Variants in MYOM1 observed in about 807,000 individuals in gnomAD.
MYOM1 encodes myomesin 1, also known as myomesin-1.
Under a neutral mutation model 205.3 loss-of-function variants are expected in MYOM1, and 164 were observed. The ratio of observed to expected loss-of-function variants is 0.80; its 90% confidence interval spans 0.70 to 0.91. The LOEUF (loss-of-function observed/expected upper bound fraction) is 0.91. MYOM1 is among the 40% of genes least tolerant of loss of function. The pLI is 0.00. For synonymous variants in MYOM1, 772 were observed against 789.4 expected, an observed-to-expected ratio of 0.98 and a Z score of 0.37; for missense variants, 2,011 against 2,127.3, an observed-to-expected ratio of 0.95 and a Z score of 1.08.
At chr18:3,181,213 A>T (rs1195043305) in intron 5 of MYOM1, among the ~76,000 whole-genome samples, 3 of 152,164 alleles carry the variant, frequency 2.0e-5, no homozygotes, top group Non-Finnish European at 4.4e-5. Context: ...GGCATGAACC[A>T]CCACGCCCGG....
intron 16 of MYOM1, among the ~76,000 whole-genome samples, chr18:3,133,179 A>G (rs1003220895): frequency 2.0e-5 from 3 of 152,118 alleles, no homozygotes; most frequent in African/African-American, 7.2e-5. Context: ...GAAAAATGAA[A>G]TACACCAACA....
At chr18:3,138,468 G>C (rs1293972825) in intron 14 of MYOM1, among the ~76,000 whole-genome samples, 1 of 152,182 alleles carries the variant, frequency 6.6e-6, no homozygotes, top group African/African-American at 2.4e-5. Context: ...CCACACGCAT[G>C]CTCTTGGCCT....
At chr18:3,148,574 G>A (rs1293145466) in intron 13 of MYOM1, among the ~76,000 whole-genome samples, 1 of 151,916 alleles carries the variant, frequency 6.6e-6, no homozygotes, top group Non-Finnish European at 1.5e-5. Context: ...GTGGCCGGGC[G>A]CGGTGGCTCA....
chr18:3,116,265 TAACTTTA>T, intron 21 of MYOM1, 59 bp downstream of exon 21: 2 of 1,503,870 alleles, frequency 1.3e-6, no homozygotes, highest in South Asian at 2.4e-5. Context: ...TTTATCTTGC[TAACTTTA>T]AAGTTCGTAT....
chr18:3,096,892 C>T (rs1011945109), intron 25 of MYOM1, among the ~76,000 whole-genome samples: 2 of 152,096 alleles, frequency 1.3e-5, no homozygotes, highest in African/African-American at 4.8e-5. Flanking sequence ...TCAATACTGG[C>T]AAGATAGACT....
chr18:3,150,993 T>A (rs969542751), intron 12 of MYOM1, among the ~76,000 whole-genome samples: 27 of 148,300 alleles, frequency 1.8e-4, no homozygotes, highest in African/African-American at 3.6e-4. Context: ...TTTTTTTTTT[T>A]TTTTTTTCAT....
chr18:3,164,452 TA>T lies in MYOM1; in HGVS notation c.1340-14del, dbSNP rs554705715. On this transcript the variant is annotated splice_polypyrimidine_tract_variant and intron_variant, in intron 9 of 37. Transcript: ENST00000356443. ...GAAAGAGGTACTCCTAGAAATATTT[TA>T]AAAGTAAGCAAATTAACTTATTTTT... The T allele has an allele frequency of 3.6e-3, 5,681 of 1,573,508 alleles. 19 individuals carry two copies. The highest frequency in any genetic ancestry group is 4.5e-3 in the Non-Finnish European group (5,223 of 1,163,650).
In MYOM1 at chr18:3,125,260, T is replaced by C. The variant is rs78602285; in HGVS notation, c.2991+1441A>G. ...GATCACCCAGAGAAACTGGTGCACA[T>C]ATGTAGCAGCAGATAGATGTATACA... On this transcript the variant is annotated intron_variant, in intron 19 of 37. Coordinates refer to ENST00000356443, the MANE Select transcript of MYOM1 (RefSeq NM_003803.4). Among the ~76,000 whole-genome samples, 260 of 152,298 alleles carry C rather than the reference T, an allele frequency of 1.7e-3. 3 individuals are homozygous for C. The East Asian group carries it at 0.045, about 26-fold the overall frequency.
At chr18:3,210,485 T>C (rs1256073082) in intron 2 of MYOM1, among the ~76,000 whole-genome samples, 1 of 152,138 alleles carries the variant, frequency 6.6e-6, no homozygotes, top group East Asian at 1.9e-4. Flanking sequence ...CCCAAACTGC[T>C]CTCTTAGAGT....
At chr18:3,211,669 A>C (rs2081191986) in intron 2 of MYOM1, among the ~76,000 whole-genome samples, 2 of 152,230 alleles carry the variant, frequency 1.3e-5, no homozygotes, top group South Asian at 4.1e-4. Context: ...GAACAAAGGC[A>C]TTTAGAGTAA....
At position 3,102,497 on chromosome 18, in the gene MYOM1, C is replaced by T. The variant is rs777713363; in HGVS notation, c.3552G>A (p.Leu1184=). ...DYVSTEDSPR[L]EVESKGNKTK... ...ACTTGTTGCCCTTGCTTTCGACTTC[C>T]AATCGTGGAGAGTCCTCAGTGGATA... Residue 1184 remains leucine (L), a synonymous_variant, in exon 23 of 38, where the codon TTG becomes TTA. Coordinates refer to ENST00000356443, the MANE Select transcript of MYOM1 (RefSeq NM_003803.4). 1 of 1,611,592 alleles carries T rather than the reference C, an allele frequency of 6.2e-7. No homozygotes were observed. The highest frequency in any genetic ancestry group is 8.5e-7 in the Non-Finnish European group (1 of 1,178,806).
At chr18:3,138,809 A>G (rs1031681321) in intron 14 of MYOM1, among the ~76,000 whole-genome samples, 5 of 152,324 alleles carry the variant, frequency 3.3e-5, no homozygotes, top group African/African-American at 1.2e-4. Context: ...ATGATTGTCA[A>G]CGTTTTCCAG....
the MYOM1 span, among the ~76,000 whole-genome samples, chr18:3,234,591 C>T: frequency 1.3e-5 from 2 of 152,086 alleles, no homozygotes; most frequent in Admixed American, 6.5e-5. Context: ...GAGTTGCCAG[C>T]GTGCCACACC....
chr18:3,111,704 A>G (rs2079529737), intron 22 of MYOM1, among the ~76,000 whole-genome samples: 1 of 152,198 alleles, frequency 6.6e-6, no homozygotes, highest in Non-Finnish European at 1.5e-5. Context: ...TGTGCATGAT[A>G]AAGTTTTATT....
In MYOM1 at chr18:3,189,361, CTT is replaced by C. The variant is rs35154072; in HGVS notation, c.432-276_432-275del. On this transcript the variant is annotated intron_variant, in intron 3 of 37. Coordinates refer to ENST00000356443, the MANE Select transcript of MYOM1 (RefSeq NM_003803.4). The surrounding 1 kb of genome is among the most constrained non-coding windows in gnomAD (Gnocchi z 4.8). Reference sequence around the variant, plus strand: ...CCCCTTACAAACCCTATGAGATAAACTTTTTTTTTTTTTTTGATATGGAGTCT... The same window carrying C: ...CCCCTTACAAACCCTATGAGATAAACTTTTTTTTTTTTTGATATGGAGTCT... Among the ~76,000 whole-genome samples, 3 of 143,978 alleles carry C rather than the reference CTT, an allele frequency of 2.1e-5. No homozygotes were observed. Among genetic ancestry groups the C allele is most frequent in the African/African-American group, 2.6e-5 (1 of 39,056 alleles). 94.5% of individuals were successfully genotyped at this position (143,978 alleles called of 152,430 possible). A position where few individuals can be genotyped will look rare whatever the true frequency, so the allele number is the denominator to read the frequency against.
rs149098402 is a variant in MYOM1 at position 3,079,412 on chromosome 18, T to C, written c.4485-70A>G. 1.3e-4 allele frequency: 186 copies of C among 1,468,482 alleles called. No homozygotes were observed. In the East Asian group the frequency reaches 3.4e-3, roughly 27 times the overall value. 91.0% of individuals were successfully genotyped at this position (1,468,482 alleles called of 1,614,324 possible). A position where few individuals can be genotyped will look rare whatever the true frequency, so the allele number is the denominator to read the frequency against. On this transcript the variant is annotated intron_variant, in intron 33 of 37. Coordinates refer to ENST00000356443, the MANE Select transcript of MYOM1 (RefSeq NM_003803.4). The stretch of plus-strand genomic sequence containing the variant: ...GGGCTGATCTTTACTTTGTCTCTCA[T>C]TGAAGCTCTTGCCATAAAGTTTTGT...
In MYOM1 at chr18:3,131,496, T is replaced by A; in HGVS notation, c.2385A>T (p.Arg795=). Reference sequence around the variant, plus strand: ...CAGTCACTAATCCATGACAAGTGAATCTAAAAGGAAAACAAGTTTTAAAAA... The same window carrying A: ...CAGTCACTAATCCATGACAAGTGAAACTAAAAGGAAAACAAGTTTTAAAAA... ...PCNNNPVKGS[R]FTCHGLVTGQ... is the part of the protein sequence containing the mutation. The change falls in exon 17 of 38, where the codon CGA becomes CGT. Residue 795 remains arginine, a splice_region_variant and synonymous_variant. Transcript: ENST00000356443. 2 of 1,608,706 alleles carry A rather than the reference T, an allele frequency of 1.2e-6. No individual in the cohort carries two copies. The highest frequency in any genetic ancestry group is 1.7e-4 in the Middle Eastern group (1 of 6,040).
At chr18:3,176,882 G>GA (rs34339039) in intron 5 of MYOM1, among the ~76,000 whole-genome samples, 16,206 of 143,156 alleles carry the variant, frequency 0.11, 983 homozygotes, top group African/African-American at 0.16. Flanking sequence ...ACTCCATCTC[G>GA]AAAAAAAAAA....
chr18:3,241,596 T>C, the MYOM1 span, among the ~76,000 whole-genome samples: 1 of 152,244 alleles, frequency 6.6e-6, no homozygotes, highest in Non-Finnish European at 1.5e-5. Context: ...GCTAGGGCAG[T>C]GCAGAAAGGA....
Sources: allele counts gnomAD v4.1 joint callset (sites outside exome capture counted in the v4.1 genomes callset), GRCh38; gene constraint gnomAD v4.1.1; non-coding constraint Gnocchi (gnomAD v3.1); transcripts MANE v1.5; gene names NCBI Gene and HGNC (gene_info 2026-07-23, HGNC 2026-07-21).